Variants in P4HA2 observed in about 807,000 individuals in gnomAD.
P4HA2 encodes prolyl 4-hydroxylase subunit alpha-2.
In P4HA2, 46 loss-of-function variants were observed where a neutral mutation model predicts 76.9. The ratio of observed to expected loss-of-function variants is 0.60; its 90% CI spans 0.47 to 0.76. The LOEUF (loss-of-function observed/expected upper bound fraction) is 0.76, where lower values mean the gene tolerates loss of function less well. P4HA2 is among the 30% of genes least tolerant of loss of function. P4HA2 has a pLI of 0.00. For synonymous variants in P4HA2, 243 were observed against 254.0 expected (o/e 0.96, Z 0.41); for missense variants, 583 against 669.4 (o/e 0.87, Z 1.42).
At chr5:132,205,732 C>T (rs1026515152) in intron 8 of P4HA2, among the ~76,000 whole-genome samples, 14 of 152,248 alleles carry the variant, frequency 9.2e-5, no homozygotes, top group South Asian at 8.3e-4. Context: ...GCAGGACAGA[C>T]GGCTCCCAAG....
rs1379429953 is a variant in P4HA2, at chr5:132,203,484, A to T, written c.1251+264T>A. 2.1e-5 allele frequency: 10 copies of T among 469,336 alleles called. 1 individual carries two copies. Among genetic ancestry groups the T allele is most frequent in the Admixed American group, 1.7e-4 (5 of 29,978 alleles). The allele number at this position is 469,336 out of a possible 1,614,324, so 29.1% of individuals were successfully genotyped here. A position where few individuals can be genotyped will look rare whatever the true frequency, so the allele number is the denominator to read the frequency against. ...TCTGTTGTCAAGAAGACATGAACGA[A>T]CCTACCATAACTACCCCTGATCCCT... On this transcript the variant is annotated intron_variant, in intron 10 of 14. Coordinates refer to ENST00000360568, the MANE Select transcript of P4HA2 (RefSeq NM_001017974.2).
At chr5:132,219,383 G>A (rs1754342675) in intron 1 of P4HA2, among the ~76,000 whole-genome samples, 1 of 152,180 alleles carries the variant, frequency 6.6e-6, no homozygotes. Context: ...TAGGCACTCA[G>A]GATACAAAAA....
Position 132,224,818 on chromosome 5 carries a change from C to T in P4HA2, c.-19+2972G>A, listed in dbSNP as rs1755132448. On this transcript the variant is annotated intron_variant, in intron 1 of 14. Coordinates refer to ENST00000360568, the MANE Select transcript of P4HA2 (RefSeq NM_001017974.2). ...CCAGGCCTGAGGATCTCCACTACAC[C>T]CTGGCCCTCAGAGTGCCAGGTACAA... Among the ~76,000 whole-genome samples the T allele has an allele frequency of 2.6e-5, 4 of 152,138 alleles. No individual in the cohort carries two copies. In the South Asian group the frequency reaches 8.3e-4, roughly 32 times the overall value.
chr5:132,195,633 A>G (rs1750522048), intron 12 of P4HA2, 153 bp from the exon 13 acceptor site: 3 of 663,254 alleles, frequency 4.5e-6, no homozygotes. Flanking sequence ...TTAGCCAAGA[A>G]AGGCTCTTCC....
Position 132,198,866 on chromosome 5 carries a change from AT to A in P4HA2, c.1305+12del. ...GCAGGGCCCTTTGAAAGCACCTGTG[AT>A]TTAGGCCTTACCCTAGAGAAGTCGA... On this transcript the variant is annotated intron_variant, in intron 11 of 14. Coordinates refer to ENST00000360568, the MANE Select transcript of P4HA2 (RefSeq NM_001017974.2). 6.3e-7 allele frequency: 1 copy of A among 1,597,896 alleles called. No individual in the cohort carries two copies. Among genetic ancestry groups the A allele is most frequent in the Non-Finnish European group, 8.6e-7 (1 of 1,165,184 alleles).
chr5:132,209,421 A>T, intron 6 of P4HA2, 90 bp from the exon 7 acceptor site: 1 of 1,051,248 alleles, frequency 9.5e-7, no homozygotes, highest in Non-Finnish European at 1.4e-6. Context: ...TTTCTCTCCC[A>T]GCAGCTCACC....
intron 14 of P4HA2, 77 bp downstream of exon 14, chr5:132,194,849 C>A: frequency 2.0e-6 from 2 of 1,011,588 alleles, no homozygotes; most frequent in South Asian, 1.3e-5. Flanking sequence ...AGTTGCCTCC[C>A]AGCTCAGAAT....
intron 12 of P4HA2, among the ~76,000 whole-genome samples, chr5:132,196,928 C>T (rs1445906178): frequency 2.0e-5 from 3 of 151,248 alleles, no homozygotes; most frequent in African/African-American, 7.3e-5. Context: ...TCATATTGGA[C>T]CTCAAGCACA....
At chr5:132,222,529 A>G (rs1580756904) in intron 1 of P4HA2, among the ~76,000 whole-genome samples, 1 of 152,126 alleles carries the variant, frequency 6.6e-6, no homozygotes, top group South Asian at 2.1e-4. Flanking sequence ...AGTAGCCAGC[A>G]TGGTTTATCA....
intron 12 of P4HA2, among the ~76,000 whole-genome samples, chr5:132,196,028 C>T (rs1242309929): frequency 6.6e-6 from 1 of 152,196 alleles, no homozygotes; most frequent in Non-Finnish European, 1.5e-5. Flanking sequence ...CCTGCTTTCT[C>T]CTATGGTAAG....
At chr5:132,224,728 C>G (rs1469695967) in intron 1 of P4HA2, among the ~76,000 whole-genome samples, 1 of 152,116 alleles carries the variant, frequency 6.6e-6, no homozygotes, top group Non-Finnish European at 1.5e-5. Context: ...GGGATTGGAC[C>G]AATACTCTAG....
At chr5:132,213,547 CAG>C (rs777588177) in intron 5 of P4HA2, among the ~76,000 whole-genome samples, 3 of 152,166 alleles carry the variant, frequency 2.0e-5, no homozygotes, top group Non-Finnish European at 2.9e-5. Flanking sequence ...GGACTCAAGA[CAG>C]GGGGATAGTA....
chr5:132,201,696 T>C (rs1472204393), intron 10 of P4HA2: 2 of 152,232 alleles, frequency 1.3e-5, no homozygotes, highest in Non-Finnish European at 2.9e-5. Context: ...CCAAGAGGTC[T>C]GGCATTCGGG....
chr5:132,225,812 C>T (rs1755312236), intron 1 of P4HA2, among the ~76,000 whole-genome samples: 1 of 152,224 alleles, frequency 6.6e-6, no homozygotes, highest in Non-Finnish European at 1.5e-5. Context: ...GGGCCTATCA[C>T]ATGCCACAGA....
intron 7 of P4HA2, among the ~76,000 whole-genome samples, chr5:132,208,860 C>T (rs1752617022): frequency 6.6e-6 from 1 of 151,972 alleles, no homozygotes; most frequent in Non-Finnish European, 1.5e-5. Flanking sequence ...TTCTTCCCAA[C>T]AGTGAGTGAA....
At chr5:132,205,915 C>T (rs1484370188) in intron 8 of P4HA2, among the ~76,000 whole-genome samples, 2 of 152,174 alleles carry the variant, frequency 1.3e-5, no homozygotes, top group Non-Finnish European at 2.9e-5. Context: ...ATTTTGAAAG[C>T]AGGCCAGAGA....
At chr5:132,210,642 C>A in intron 5 of P4HA2, 119 bp from the exon 6 acceptor site, 1 of 978,008 alleles carries the variant, frequency 1.0e-6, no homozygotes, top group South Asian at 1.4e-5. Flanking sequence ...AGAACTCCAT[C>A]GGACATTTAG....
At chr5:132,214,749 C>T (rs154484) in intron 4 of P4HA2, among the ~76,000 whole-genome samples, 29,790 of 151,872 alleles carry the variant, frequency 0.2, 2,965 homozygotes, top group East Asian at 0.3. Flanking sequence ...CCACGGTGGG[C>T]CTGTTCTCCT....
At chr5:132,212,455 G>A (rs1753216099) in intron 5 of P4HA2, among the ~76,000 whole-genome samples, 1 of 152,170 alleles carries the variant, frequency 6.6e-6, no homozygotes, top group African/African-American at 2.4e-5. Context: ...ATAGGCCTTA[G>A]GCTTCTGGCT....
Sources: allele counts gnomAD v4.1 joint callset (sites outside exome capture counted in the v4.1 genomes callset), GRCh38; gene constraint gnomAD v4.1.1; transcripts MANE v1.5; gene names NCBI Gene and HGNC (gene_info 2026-07-23, HGNC 2026-07-21).